The following LPP variants were observed in gnomAD, a reference collection of about 807,000 sequenced individuals.
LPP encodes the protein lipoma-preferred partner.
In LPP, 38 loss-of-function variants were observed where a neutral mutation model predicts 60.4. The observed-to-expected ratio is 0.63, with a 90% CI of 0.49 to 0.83. LPP has a LOEUF of 0.83. Among genes scored for constraint, LPP ranks in the 40% least tolerant of loss-of-function variants. LPP has a pLI of 0.00. For missense variants in LPP, 902 were observed against 783.6 expected (o/e 1.15, Z -1.80); for synonymous variants, 328 against 290.8 (o/e 1.13, Z -1.30).
intron 7 of LPP, among the ~76,000 whole-genome samples, chr3:188,631,958 G>C (rs1374827051): frequency 6.6e-6 from 1 of 152,166 alleles, no homozygotes; most frequent in Non-Finnish European, 1.5e-5. Flanking sequence ...ACAGAAGACA[G>C]AGTAGAAGAA....
chr3:188,299,155 T>A (rs1182300404), intron 2 of LPP, among the ~76,000 whole-genome samples: 1 of 152,196 alleles, frequency 6.6e-6, no homozygotes, highest in Non-Finnish European at 1.5e-5. Context: ...AGGCCACTTT[T>A]CCTTCACACA....
Position 188,882,580 on chromosome 3 carries a change from T to G in LPP, c.*8101T>G, listed in dbSNP as rs1032033723. The G allele has an allele frequency of 4.5e-6, 1 of 221,876 alleles. No individual in the cohort carries two copies. Among genetic ancestry groups the G allele is most frequent in the Non-Finnish European group, 9.0e-6 (1 of 111,060 alleles). 13.7% of individuals were successfully genotyped at this position (221,876 alleles called of 1,614,324 possible). On this transcript the variant is annotated 3_prime_UTR_variant, in exon 12 of 12. Coordinates refer to ENST00000617246, the MANE Select transcript of LPP (RefSeq NM_001375462.1). The stretch of plus-strand genomic sequence containing the variant: ...TATTGATCCACAGCTACATCTTCTA[T>G]TCTTGCAGCAAGGGTACATGTCCTT...
intron 4 of LPP, among the ~76,000 whole-genome samples, chr3:188,427,600 A>G (rs887050686): frequency 2.2e-4 from 33 of 152,084 alleles, no homozygotes; most frequent in African/African-American, 7.7e-4. Context: ...TCTTTCAGAG[A>G]TGCCCTGCCC....
At chr3:188,573,696 T>C (rs1833995738) in intron 6 of LPP, among the ~76,000 whole-genome samples, 1 of 151,906 alleles carries the variant, frequency 6.6e-6, no homozygotes, top group South Asian at 2.1e-4. Flanking sequence ...CAAGTTAATC[T>C]GGCTGCTTGT....
intron 6 of LPP, among the ~76,000 whole-genome samples, chr3:188,600,324 C>T (rs1050082606): frequency 8.7e-5 from 13 of 149,870 alleles, no homozygotes; most frequent in Non-Finnish European, 4.4e-5. Context: ...GTGGTAGACA[C>T]TTAGCAAAAT....
chr3:188,293,384 T>G (rs1404710788), intron 2 of LPP, among the ~76,000 whole-genome samples: 1 of 152,218 alleles, frequency 6.6e-6, no homozygotes, highest in Non-Finnish European at 1.5e-5. Flanking sequence ...GCGAGAGCTC[T>G]TTGTATACTG....
intron 2 of LPP, among the ~76,000 whole-genome samples, chr3:188,240,679 A>G (rs1724183210): frequency 6.6e-6 from 1 of 152,266 alleles, no homozygotes; most frequent in African/African-American, 2.4e-5. Context: ...TCAACTAGTA[A>G]GGCTGCTCAG....
At chr3:188,723,654 T>A (rs1717292705) in intron 8 of LPP, among the ~76,000 whole-genome samples, 1 of 152,128 alleles carries the variant, frequency 6.6e-6, no homozygotes, top group Non-Finnish European at 1.5e-5. Context: ...CACTTTGTCC[T>A]ATTGGATTCT....
Position 188,752,140 on chromosome 3 carries a change from A to G in LPP, c.1241-7973A>G, listed in dbSNP as rs1728290138. ...TCATGCTGGACACCTTCTAGATGTT[A>G]CCTCCTCCGAATTTCATAGCCAAGT... On this transcript the variant is annotated intron_variant, in intron 8 of 11. Coordinates refer to ENST00000617246, the MANE Select transcript of LPP (RefSeq NM_001375462.1). 2.0e-5 allele frequency among the ~76,000 whole-genome samples: 3 copies of G among 152,166 alleles called. No homozygotes were observed. In the South Asian group the frequency reaches 6.2e-4, roughly 31 times the overall value.
rs574446905 is a variant in LPP, at chr3:188,516,728, T to C, written c.307-7937T>C. Among the ~76,000 whole-genome samples the C allele has an allele frequency of 3.3e-5, 5 of 151,284 alleles. No homozygotes were observed. In the South Asian group the frequency reaches 6.4e-4, roughly 19 times the overall value. ...ACTGGGGATGTTGAGAACATCCCCA[T>C]ACCAGCGCCATCACTAGCACCTACG... On this transcript the variant is annotated intron_variant, in intron 5 of 11. Coordinates refer to ENST00000617246, the MANE Select transcript of LPP (RefSeq NM_001375462.1).
At chr3:188,348,661 G>T (rs1017830815) in intron 3 of LPP, among the ~76,000 whole-genome samples, 1 of 152,152 alleles carries the variant, frequency 6.6e-6, no homozygotes, top group Non-Finnish European at 1.5e-5. Context: ...GCATTACATG[G>T]GAGCTTGTTA....
intron 5 of LPP, among the ~76,000 whole-genome samples, chr3:188,496,451 C>T (rs1226801462): frequency 1.3e-5 from 2 of 152,116 alleles, no homozygotes; most frequent in Admixed American, 6.6e-5. Flanking sequence ...TAATAAAAGA[C>T]TTTCATATAC....
In LPP at chr3:188,572,887, A is replaced by G. The variant is rs1833836529; in HGVS notation, c.430-36274A>G. 6.6e-6 allele frequency among the ~76,000 whole-genome samples: 1 copy of G among 152,130 alleles called. No individual in the cohort carries two copies. The highest frequency in any genetic ancestry group is 6.6e-5 in the Admixed American group (1 of 15,252). On this transcript the variant is annotated intron_variant, in intron 6 of 11. Transcript: ENST00000617246. The surrounding 1 kb of genome is among the most constrained non-coding windows in gnomAD (Gnocchi z 4.1). ...ACACTTTTGACCTCCATGCCAGAGT[A>G]AAAGAGCTCTGAGGGTCTCAAACTG...
intron 4 of LPP, among the ~76,000 whole-genome samples, chr3:188,413,096 A>G (rs1486753318): frequency 6.6e-6 from 1 of 152,164 alleles, no homozygotes; most frequent in African/African-American, 2.4e-5. Flanking sequence ...GAAGCCATGT[A>G]TCCTGGGTAG....
At chr3:188,344,392 A>G (rs1763800683) in intron 3 of LPP, among the ~76,000 whole-genome samples, 1 of 152,206 alleles carries the variant, frequency 6.6e-6, no homozygotes, top group Non-Finnish European at 1.5e-5. Flanking sequence ...GGAGCAAAGC[A>G]GTATGTTGTA....
At chr3:188,493,771 T>C (rs1455733404) in intron 5 of LPP, among the ~76,000 whole-genome samples, 1 of 152,136 alleles carries the variant, frequency 6.6e-6, no homozygotes, top group Non-Finnish European at 1.5e-5. Context: ...ATGTTGAAAA[T>C]ATATTTTAAT....
At chr3:188,520,575 A>C (rs780582334) in intron 5 of LPP, among the ~76,000 whole-genome samples, 2 of 152,206 alleles carry the variant, frequency 1.3e-5, no homozygotes, top group Non-Finnish European at 2.9e-5. Flanking sequence ...AGACTCAGCC[A>C]AACCATATCT....
Position 188,203,131 on chromosome 3 carries a change from T to C in LPP, c.-189-22274T>C, listed in dbSNP as rs1731559149. 2.1e-5 allele frequency among the ~76,000 whole-genome samples: 3 copies of C among 140,230 alleles called. No individual in the cohort carries two copies. In the South Asian group the frequency reaches 6.4e-4, roughly 30 times the overall value. The allele number at this position is 140,230 out of a possible 152,430, so 92.0% of individuals were successfully genotyped here. On this transcript the variant is annotated intron_variant, in intron 1 of 11. Transcript: ENST00000617246. ...TTATAATATAAATATAAAATGTATA[T>C]TATATTATAATTATATATAATTATA...
At chr3:188,306,636 G>A (rs1297144288) in intron 2 of LPP, among the ~76,000 whole-genome samples, 2 of 152,156 alleles carry the variant, frequency 1.3e-5, no homozygotes, top group Admixed American at 1.3e-4. Flanking sequence ...TTGTTGAAAT[G>A]CCATGCTCTG....
Sources: gnomAD v4.1 joint callset for allele counts (sites outside exome capture counted in the v4.1 genomes callset) on GRCh38, gnomAD v4.1.1 for gene constraint, Gnocchi (gnomAD v3.1) non-coding constraint, MANE v1.5 for transcripts, NCBI Gene and HGNC (gene_info 2026-07-23, HGNC 2026-07-21) for gene names.